The following CRAT variants were observed in gnomAD, a reference collection of about 807,000 sequenced individuals.
The protein encoded by CRAT is carnitine acetylase.
In CRAT, 66 loss-of-function variants were observed where a neutral mutation model predicts 73.7. The observed-to-expected ratio is 0.90, with a 90% CI of 0.73 to 1.10. CRAT has a LOEUF of 1.10. CRAT is among the 50% of genes least tolerant of loss of function. The probability of loss-of-function intolerance (pLI) is 0.00; values close to 1 mark genes in which losing one functional copy is unlikely to be tolerated. For missense variants in CRAT, 745 were observed against 846.9 expected (o/e 0.88, Z 1.49); for synonymous variants, 321 against 343.2 (o/e 0.94, Z 0.71).
At chr9:129,096,863 G>A (rs748562392) in intron 12 of CRAT, among the ~76,000 whole-genome samples, 5 of 152,206 alleles carry the variant, frequency 3.3e-5, no homozygotes, top group Non-Finnish European at 7.3e-5. Flanking sequence ...GAGGTCAGGA[G>A]TTTGAGACCA....
intron 1 of CRAT, chr9:129,108,950 A>T: frequency 1.6e-6 from 2 of 1,251,466 alleles, no homozygotes; most frequent in Non-Finnish European, 2.1e-6. Flanking sequence ...GGCAGGTGGC[A>T]GTGGCGATGG....
rs765374292 is a variant in CRAT at position 129,099,880 on chromosome 9, A to G, written c.1071T>C (p.Tyr357=). Residue 357 remains tyrosine (Y), a synonymous_variant, in exon 8 of 14, where the codon TAT becomes TAC. Coordinates refer to ENST00000318080, the MANE Select transcript of CRAT (RefSeq NM_000755.5). The part of the protein sequence containing the change: ...EGPPIVTLLD[Y]VIEYTKKPEL... ...ACTGTACTCACGTGTACTCGATGAC[A>G]TAGTCCAGAAGGGTGACAATAGGGG... 3.7e-6 allele frequency: 6 copies of G among 1,613,338 alleles called. No individual in the cohort carries two copies. In the African/African-American group the frequency reaches 6.7e-5, roughly 18 times the overall value.
In CRAT at chr9:129,110,278, C is replaced by T. The variant is rs62583878; in HGVS notation, c.27+205G>A. 3.3e-5 allele frequency among the ~76,000 whole-genome samples: 5 copies of T among 152,206 alleles called. No homozygotes were observed. The highest frequency in any genetic ancestry group is 5.9e-5 in the Non-Finnish European group (4 of 68,014). ...TTTCCTGGGTCGTTGGAACTGAATG[C>T]TCCAGGACGTGGGTTTAATCCCGCT... On this transcript the variant is annotated intron_variant, in intron 1 of 13. Transcript: ENST00000318080. The surrounding 1 kb of genome is among the most constrained non-coding windows in gnomAD (Gnocchi z 5.3).
rs748290159 is a variant in CRAT, at chr9:129,096,057, C to T, written c.1606G>A (p.Asp536Asn). 2.8e-5 allele frequency: 45 copies of T among 1,613,900 alleles called. No individual in the cohort carries two copies. Among genetic ancestry groups the T allele is most frequent in the Non-Finnish European group, 3.5e-5 (41 of 1,180,026 alleles). Residue 536 changes from aspartate (D) to asparagine (N), a missense_variant, in exon 13 of 14, where the codon GAC becomes AAC. Coordinates refer to ENST00000318080, the MANE Select transcript of CRAT (RefSeq NM_000755.5). ...GCGTAGGAGGTGTCCATGAAGATGT[C>T]GGGCATGCTCACCAGGTCCTCGATG... ...QAIEDLVSMP[D>N]IFMDTSYAIA...
intron 11 of CRAT, 28 bp from the exon 12 acceptor site, chr9:129,097,340 G>A (rs1240928627): frequency 1.3e-6 from 2 of 1,542,894 alleles, no homozygotes; most frequent in Non-Finnish European, 1.8e-6. Context: ...AGAGGGAGCT[G>A]AAGCACTGTC....
rs1427524261 is a variant in CRAT at position 129,095,424 on chromosome 9, C to T, written c.1854G>A (p.Leu618=). 2 of 1,612,362 alleles carry T rather than the reference C, an allele frequency of 1.2e-6. No homozygotes were observed. Among genetic ancestry groups the T allele is most frequent in the Non-Finnish European group, 1.7e-6 (2 of 1,179,974 alleles). Reference sequence around the variant, plus strand: ...AGAGCTTGGCCCGGGGGTGGCTCTGCAGCAGGGCACGCATGTCCAGGAGCG... The same window carrying T: ...AGAGCTTGGCCCGGGGGTGGCTCTGTAGCAGGGCACGCATGTCCAGGAGCG... ...EKALLDMRAL[L]QSHPRAKL The change falls in exon 14 of 14, where the codon CTG becomes CTA. Residue 618 remains leucine, a synonymous_variant. Transcript: ENST00000318080.
rs1231302612 is a variant in CRAT at position 129,106,800 on chromosome 9, C to T, written c.291+1014G>A. Reference sequence around the variant, plus strand: ...AGCATTTCCCAGGGCCGGACCCGCTCTGGCTCTCCCACAGGTAGCTTCTCT... The same window carrying T: ...AGCATTTCCCAGGGCCGGACCCGCTTTGGCTCTCCCACAGGTAGCTTCTCT... On this transcript the variant is annotated intron_variant, in intron 2 of 13. Transcript: ENST00000318080. This position sits in a 1 kb window ranked among gnomAD's most constrained non-coding sequence, Gnocchi z 4.0. Among the ~76,000 whole-genome samples, 1 of 152,176 alleles carries T rather than the reference C, an allele frequency of 6.6e-6. No homozygotes were observed. Among genetic ancestry groups the T allele is most frequent in the Non-Finnish European group, 1.5e-5 (1 of 68,010 alleles).
intron 6 of CRAT, among the ~76,000 whole-genome samples, 168 bp from the exon 7 acceptor site, chr9:129,100,857 A>C (rs1053147938): frequency 6.6e-6 from 1 of 152,220 alleles, no homozygotes; most frequent in Admixed American, 6.5e-5. Flanking sequence ...CACCAAGTGC[A>C]GGGTGTGGGT....
In CRAT at chr9:129,100,532, G is replaced by A. The variant is rs762204195; in HGVS notation, c.963C>T (p.Arg321=). ...GGGSRLNSGN[R]WFDKTLQFIV... Reference sequence around the variant, plus strand: ...TCACCTGCAGCGTCTTGTCGAACCAGCGGTTGCCGCTGTTGAGCCTGCTGC... The same window carrying A: ...TCACCTGCAGCGTCTTGTCGAACCAACGGTTGCCGCTGTTGAGCCTGCTGC... The change falls in exon 7 of 14, where the codon CGC becomes CGT. Residue 321 remains arginine, a synonymous_variant. Transcript: ENST00000318080. 1.2e-6 allele frequency: 2 copies of A among 1,613,598 alleles called. No homozygotes were observed. Among genetic ancestry groups the A allele is most frequent in the Non-Finnish European group, 1.7e-6 (2 of 1,179,918 alleles).
At chr9:129,108,322 C>G in intron 1 of CRAT, 8 of 1,191,040 alleles carry the variant, frequency 6.7e-6, no homozygotes, top group Non-Finnish European at 8.7e-6. Context: ...TCAGGGGAAC[C>G]AAGTCAGGAT....
At position 129,099,839 on chromosome 9, in the gene CRAT, C is replaced by G. The variant is rs201772643; in HGVS notation, c.1085+27G>C. On this transcript the variant is annotated intron_variant, in intron 8 of 13. Transcript: ENST00000318080. ...TCACCTGTCACTAGAAGCTGGGGAA[C>G]TAGGCGAGAGATGTGACTGTACTCA... The G allele has an allele frequency of 4.7e-5, 73 of 1,552,366 alleles. No homozygotes were observed. The African/African-American group carries it at 8.1e-4, about 17-fold the overall frequency.
intron 11 of CRAT, 72 bp downstream of exon 11, chr9:129,097,941 T>C (rs1847384263): frequency 1.3e-6 from 2 of 1,570,142 alleles, no homozygotes; most frequent in African/African-American, 2.7e-5. Flanking sequence ...GCTCAATTAT[T>C]GTGTGTTGAC....
intron 12 of CRAT, among the ~76,000 whole-genome samples, 183 bp from the exon 13 acceptor site, chr9:129,096,318 C>T (rs1016076089): frequency 2.1e-4 from 32 of 152,160 alleles, no homozygotes; most frequent in African/African-American, 7.0e-4. Flanking sequence ...CAGGGAGGGG[C>T]GGGGATTTGC....
chr9:129,100,822 C>CT, intron 6 of CRAT, 133 bp from the exon 7 acceptor site: 1 of 1,108,786 alleles, frequency 9.0e-7, no homozygotes, highest in Non-Finnish European at 1.3e-6. Flanking sequence ...GGAGACCCCC[C>CT]ACCTCGCCGG....
rs890086917 is a variant in CRAT at position 129,103,197 on chromosome 9, C to T, written c.411-131G>A. On this transcript the variant is annotated intron_variant, in intron 3 of 13. Coordinates refer to ENST00000318080, the MANE Select transcript of CRAT (RefSeq NM_000755.5). This position sits in a 1 kb window ranked among gnomAD's most constrained non-coding sequence, Gnocchi z 4.6. ...TCACCGCTTCCAGAAAGCCTGGGAG[C>T]GCAAGGGAGGGGCCTGCGAGTCCCA... 5.1e-5 allele frequency: 41 copies of T among 801,632 alleles called. 1 individual carries two copies. The highest frequency in any genetic ancestry group is 7.1e-5 in the South Asian group (5 of 70,452). The allele number at this position is 801,632 out of a possible 1,614,324, so 49.7% of individuals were successfully genotyped here.
chr9:129,102,203 G>A, intron 5 of CRAT, 146 bp from the exon 6 acceptor site: 1 of 1,187,308 alleles, frequency 8.4e-7, no homozygotes, highest in Non-Finnish European at 1.2e-6. Context: ...GAGGTCCTTG[G>A]ATCACCCTTC....
In CRAT at chr9:129,094,904, AT is replaced by A. The variant is rs1847179047; in HGVS notation, c.*492del. 1 of 170,696 alleles carries A rather than the reference AT, an allele frequency of 5.9e-6. No individual in the cohort carries two copies. Among genetic ancestry groups the A allele is most frequent in the Non-Finnish European group, 1.3e-5 (1 of 79,468 alleles). The allele number at this position is 170,696 out of a possible 1,614,324, so 10.6% of individuals were successfully genotyped here. A position where few individuals can be genotyped will look rare whatever the true frequency, so the allele number is the denominator to read the frequency against. ...CCAGAGGCGGCTCGCTAGCAATGTT[AT>A]CCACAGGAGCACAGCCGCAACGGAG... On this transcript the variant is annotated 3_prime_UTR_variant, in exon 14 of 14. Coordinates refer to ENST00000318080, the MANE Select transcript of CRAT (RefSeq NM_000755.5).
In CRAT at chr9:129,095,435, G is replaced by A. The variant is rs143822726; in HGVS notation, c.1843C>T (p.Arg615Cys). ...HYLEKALLDM[R>C]ALLQSHPRAK... ...CGGGGGTGGCTCTGCAGCAGGGCAC[G>A]CATGTCCAGGAGCGCCTTCTCCAGG... Residue 615 changes from arginine (R) to cysteine (C), a missense_variant, in exon 14 of 14, where the codon CGT becomes TGT. Arg to Cys is a radical substitution (Grantham distance 180, BLOSUM62 -3). Coordinates refer to ENST00000318080, the MANE Select transcript of CRAT (RefSeq NM_000755.5). The A allele has an allele frequency of 1.9e-5, 31 of 1,612,770 alleles. No homozygotes were observed. Among genetic ancestry groups the A allele is most frequent in the East Asian group, 1.1e-4 (5 of 44,896 alleles).
At position 129,095,277 on chromosome 9, in the gene CRAT, A is replaced by G; in HGVS notation, c.*120T>C. 1 of 1,120,904 alleles carries G rather than the reference A, an allele frequency of 8.9e-7. No individual in the cohort carries two copies. Among genetic ancestry groups the G allele is most frequent in the South Asian group, 1.4e-5 (1 of 69,312 alleles). 69.4% of individuals were successfully genotyped at this position (1,120,904 alleles called of 1,614,324 possible). A position where few individuals can be genotyped will look rare whatever the true frequency, so the allele number is the denominator to read the frequency against. On this transcript the variant is annotated 3_prime_UTR_variant, in exon 14 of 14. Transcript: ENST00000318080. ...GAGGATGCGGTCCGTGGCTCAGTAG[A>G]TTTGGGGGGACCAGGGAAGAGGGAA...
Sources: gnomAD v4.1 joint callset for allele counts (sites outside exome capture counted in the v4.1 genomes callset) on GRCh38, gnomAD v4.1.1 for gene constraint, Gnocchi (gnomAD v3.1) non-coding constraint, MANE v1.5 for transcripts, NCBI Gene and HGNC (gene_info 2026-07-23, HGNC 2026-07-21) for gene names.